The following PSMD6 variants were observed in gnomAD, a reference collection of about 807,000 sequenced individuals.
PSMD6 encodes 26S proteasome non-ATPase regulatory subunit 6.
Under a neutral mutation model 44.9 loss-of-function variants are expected in PSMD6, and 7 were observed. The ratio of observed to expected loss-of-function variants is 0.16; its 90% CI spans 0.09 to 0.29. The LOEUF (loss-of-function observed/expected upper bound fraction) is 0.29. PSMD6 is among the 10% of genes least tolerant of loss of function. The probability of loss-of-function intolerance (pLI) is 1.00; values close to 1 mark genes in which losing one functional copy is unlikely to be tolerated. For missense variants in PSMD6, 420 were observed against 482.6 expected, an observed-to-expected ratio of 0.87 and a Z score of 1.21; for synonymous variants, 184 against 172.7, an observed-to-expected ratio of 1.07 and a Z score of -0.51.
chr3:64,012,536 T>TATCA (rs1403272407), intron 6 of PSMD6: 3 of 152,240 alleles, frequency 2.0e-5, no homozygotes, highest in Non-Finnish European at 1.5e-5. Context: ...AATGGCTCCC[T>TATCA]ATCAAACTTA....
chr3:64,023,070 A>C, intron 1 of PSMD6: 1 of 1,429,066 alleles, frequency 7.0e-7, no homozygotes, highest in Non-Finnish European at 9.1e-7. Flanking sequence ...CGGCACAGAG[A>C]GATGCAGACC....
At chr3:64,015,885 T>G (rs2106855629) in intron 5 of PSMD6, 1 of 152,250 alleles carries the variant, frequency 6.6e-6, no homozygotes, top group Non-Finnish European at 1.5e-5. Context: ...TTTTTTAAAG[T>G]GCATATAATA....
chr3:64,017,323 G>T (rs1015164469), intron 5 of PSMD6: 6 of 152,048 alleles, frequency 3.9e-5, no homozygotes, highest in African/African-American at 1.4e-4. Context: ...TTAAAGGAGG[G>T]GGCATACAAT....
chr3:64,022,823 T>TTA (rs1467229717), intron 1 of PSMD6: 1 of 1,535,926 alleles, frequency 6.5e-7, no homozygotes, highest in African/African-American at 1.4e-5. Context: ...GAAAGACTTT[T>TTA]TATACACACA....
chr3:64,019,449 G>A lies in PSMD6; in HGVS notation c.352-8C>T, dbSNP rs773324478. The A allele has an allele frequency of 3.1e-6, 5 of 1,607,986 alleles. No individual in the cohort carries two copies. The highest frequency in any genetic ancestry group is 1.3e-5 in the African/African-American group (1 of 74,598). On this transcript the variant is annotated splice_region_variant and splice_polypyrimidine_tract_variant and intron_variant, in intron 2 of 7. Coordinates refer to ENST00000295901, the MANE Select transcript of PSMD6 (RefSeq NM_014814.3). Reference sequence around the variant, plus strand: ...GGCTGTCAGAGCTCCCTCCTGTCAAGAAAGCCAAGGCAATAGGTGAGAAAA... The same window carrying A: ...GGCTGTCAGAGCTCCCTCCTGTCAAAAAAGCCAAGGCAATAGGTGAGAAAA...
rs1389046892 is a variant in PSMD6 at position 64,022,338 on chromosome 3, G to A, written c.331C>T (p.Leu111Phe). The A allele has an allele frequency of 1.9e-6, 3 of 1,614,074 alleles. No individual in the cohort carries two copies. Among genetic ancestry groups the A allele is most frequent in the Non-Finnish European group, 2.5e-6 (3 of 1,180,052 alleles). The change falls in exon 2 of 8, where the codon CTC (leucine) becomes TTC (phenylalanine). Residue 111 changes from leucine to phenylalanine, a missense_variant. Physicochemically the swap from Leu to Phe is conservative, Grantham distance 22. Around this residue, in one of 4 missense-constraint regions of PSMD6, gnomAD observed 216 missense variants for 227.0 expected, o/e 0.95. Coordinates refer to ENST00000295901, the MANE Select transcript of PSMD6 (RefSeq NM_014814.3). ...CTCACTTTGTCACCTATCCGGCAGA[G>A]GTACTCGGCCTTTGCCATCATTGCA... ...RDAMMAKAEY[L>F]CRIGDKEGAL...
intron 5 of PSMD6, chr3:64,015,830 A>G (rs373640196): frequency 6.6e-6 from 1 of 152,172 alleles, no homozygotes; most frequent in Non-Finnish European, 1.5e-5. Context: ...ACTGTTTACA[A>G]CTGTTCCATG....
rs2076165435 is a variant in PSMD6 at position 64,023,403 on chromosome 3, A to G, written c.17T>C (p.Leu6Pro). The G allele has an allele frequency of 6.2e-7, 1 of 1,603,564 alleles. No homozygotes were observed. The highest frequency in any genetic ancestry group is 1.3e-5 in the African/African-American group (1 of 74,358). Reference protein sequence around the residue: MPLENLEEEGLPKNPD... With the variant: MPLENPEEEGLPKNPD... ...GTTCTTGGGCAGACCCTCCTCCTCC[A>G]GGTTCTCCAGCGGCATCGCGGCGAA... The change falls in exon 1 of 8, where the codon CTG becomes CCG. Residue 6 changes from leucine (L) to proline (P), a missense_variant. By Grantham distance (98) the Leu-to-Pro change is moderately conservative (BLOSUM62 -3). Coordinates refer to ENST00000295901, the MANE Select transcript of PSMD6 (RefSeq NM_014814.3).
At chr3:64,023,540 C>T (rs1002466393), upstream of PSMD6, 12 of 1,397,540 alleles carry the variant, frequency 8.6e-6, no homozygotes, top group African/African-American at 1.0e-4. Context: ...GGTCCCGTCT[C>T]CGCCGGCAGC....
At chr3:64,023,695 T>G, upstream of PSMD6, 2 of 1,475,940 alleles carry the variant, frequency 1.4e-6, no homozygotes, top group Non-Finnish European at 1.8e-6. Context: ...ATTTCTTGAA[T>G]CTCTTTCTCA....
intron 1 of PSMD6, 87 bp from the exon 2 acceptor site, chr3:64,022,610 CA>C: frequency 6.4e-7 from 1 of 1,568,734 alleles, no homozygotes; most frequent in Non-Finnish European, 8.6e-7. Flanking sequence ...CCCGCCCCGC[CA>C]CAAGTCATCC....
chr3:64,011,202 A>T (rs2075939335), intron 6 of PSMD6: 2 of 340,586 alleles, frequency 5.9e-6, no homozygotes, highest in Non-Finnish European at 1.1e-5. Flanking sequence ...CAATGAAACC[A>T]TATGTACTCA....
At position 64,013,422 on chromosome 3, in the gene PSMD6, G is replaced by T. The variant is rs767977348; in HGVS notation, c.995+17C>A. On this transcript the variant is annotated intron_variant, in intron 6 of 7. Coordinates refer to ENST00000295901, the MANE Select transcript of PSMD6 (RefSeq NM_014814.3). ...CAACTTTAAAACTTCAATTAACATG[G>T]CATTATTCAAACTTACTGATCAATG... 6.5e-7 allele frequency: 1 copy of T among 1,533,484 alleles called. No homozygotes were observed. Among genetic ancestry groups the T allele is most frequent in the Non-Finnish European group, 8.8e-7 (1 of 1,140,406 alleles). The allele number at this position is 1,533,484 out of a possible 1,614,324, so 95.0% of individuals were successfully genotyped here. A position where few individuals can be genotyped will look rare whatever the true frequency, so the allele number is the denominator to read the frequency against.
chr3:64,022,069 C>T (rs2076141465), intron 2 of PSMD6, among the ~76,000 whole-genome samples: 1 of 152,180 alleles, frequency 6.6e-6, no homozygotes, highest in South Asian at 2.1e-4. Context: ...TAGATGTACA[C>T]TTACGTTTTT....
intron 5 of PSMD6, chr3:64,017,286 T>C (rs2076060597): frequency 6.6e-6 from 1 of 152,204 alleles, no homozygotes; most frequent in African/African-American, 2.4e-5. Context: ...GGTAATTTTA[T>C]GGTGTGTGAT....
chr3:64,023,083 G>A (rs2076158508), intron 1 of PSMD6, 192 bp downstream of exon 1: 4 of 1,425,504 alleles, frequency 2.8e-6, no homozygotes, highest in Admixed American at 5.9e-5. Flanking sequence ...TGCAGACCCC[G>A]CTGAGGCAAG....
At chr3:64,013,223 A>T (rs1245423830) in intron 6 of PSMD6, 2 of 464,306 alleles carry the variant, frequency 4.3e-6, no homozygotes, top group South Asian at 7.9e-5. Context: ...CCTCACTACA[A>T]CTCATCTTCC....
chr3:64,022,763 A>C, intron 1 of PSMD6: 1 of 1,536,374 alleles, frequency 6.5e-7, no homozygotes, highest in Non-Finnish European at 8.7e-7. Context: ...GAGGGAGGGC[A>C]ATCCTCGGTT....
chr3:64,013,164 G>A, intron 6 of PSMD6: 1 of 289,828 alleles, frequency 3.5e-6, no homozygotes, highest in South Asian at 1.1e-4. Context: ...AGTAACAGAA[G>A]ACAACTTTTG....
Sources: allele counts gnomAD v4.1 joint callset (sites outside exome capture counted in the v4.1 genomes callset), GRCh38; gene constraint gnomAD v4.1.1; regional missense constraint gnomAD v4.1.1; transcripts MANE v1.5; gene names NCBI Gene and HGNC (gene_info 2026-07-23, HGNC 2026-07-21).